Variants in GABRB1 observed in about 807,000 individuals in gnomAD.
The protein encoded by GABRB1 is gamma-aminobutyric acid receptor subunit beta-1.
GABRB1 carries 17 observed loss-of-function variants against 51.6 expected under a neutral mutation model. That is an observed-to-expected ratio of 0.33 (90% confidence interval 0.23 to 0.49). The LOEUF (loss-of-function observed/expected upper bound fraction) is 0.49, where lower values mean the gene tolerates loss of function less well. Among genes scored for constraint, GABRB1 ranks in the 20% least tolerant of loss-of-function variants. GABRB1 has a pLI of 0.99. For synonymous variants in GABRB1, 247 were observed against 218.9 expected, an observed-to-expected ratio of 1.13 and a Z score of -1.14; for missense variants, 410 against 600.6, an observed-to-expected ratio of 0.68 and a Z score of 3.32.
At chr4:47,014,580 A>T (rs1383116217) in intron 1 of GABRB1, among the ~76,000 whole-genome samples, 2 of 152,136 alleles carry the variant, frequency 1.3e-5, no homozygotes, top group African/African-American at 4.8e-5. Flanking sequence ...TTGGACATCA[A>T]CTGGGTGTCC....
chr4:47,120,600 T>A (rs911566340), intron 3 of GABRB1, among the ~76,000 whole-genome samples: 1 of 152,200 alleles, frequency 6.6e-6, no homozygotes, highest in Non-Finnish European at 1.5e-5. Context: ...GAACCCAGCA[T>A]GTCTCAAGAG....
intron 5 of GABRB1, among the ~76,000 whole-genome samples, chr4:47,381,308 G>C (rs1476619083): frequency 1.3e-5 from 2 of 152,098 alleles, no homozygotes; most frequent in Non-Finnish European, 2.9e-5. Context: ...CTGGTGACTG[G>C]GCATTTTGTG....
At chr4:47,362,787 A>G (rs185017128) in intron 5 of GABRB1, among the ~76,000 whole-genome samples, 1 of 152,170 alleles carries the variant, frequency 6.6e-6, no homozygotes, top group African/African-American at 2.4e-5. Flanking sequence ...TTTTAATTAA[A>G]TATTTATTAA....
chr4:47,303,288 G>T (rs1167761355), intron 4 of GABRB1, among the ~76,000 whole-genome samples: 1 of 151,526 alleles, frequency 6.6e-6, no homozygotes, highest in African/African-American at 2.4e-5. Flanking sequence ...GAATAAATTT[G>T]CATTATTAAT....
chr4:47,349,351 A>G (rs572461472), intron 5 of GABRB1, among the ~76,000 whole-genome samples: 1 of 152,282 alleles, frequency 6.6e-6, no homozygotes, highest in African/African-American at 2.4e-5. Context: ...CAGCCAGAGA[A>G]ATGGGAGGAA....
chr4:47,195,784 T>A (rs536499628), intron 4 of GABRB1, among the ~76,000 whole-genome samples: 1 of 152,358 alleles, frequency 6.6e-6, no homozygotes, highest in Non-Finnish European at 1.5e-5. Flanking sequence ...TCCACTGAAT[T>A]ATTCCATGTA....
intron 3 of GABRB1, among the ~76,000 whole-genome samples, chr4:47,036,711 A>G (rs991768546): frequency 1.3e-5 from 2 of 152,150 alleles, no homozygotes; most frequent in African/African-American, 2.4e-5. Context: ...AAAGTATACA[A>G]ATTAGCTGGG....
intron 3 of GABRB1, among the ~76,000 whole-genome samples, chr4:47,116,864 G>A (rs1715506262): frequency 6.6e-6 from 1 of 152,126 alleles, no homozygotes; most frequent in Admixed American, 6.5e-5. Context: ...AATCATGGCA[G>A]AAGGGCAAGG....
intron 3 of GABRB1, among the ~76,000 whole-genome samples, chr4:47,129,524 G>A (rs2109668953): frequency 6.6e-6 from 1 of 152,210 alleles, no homozygotes; most frequent in South Asian, 2.1e-4. Flanking sequence ...ATAAGAAATG[G>A]TGATGTGATA....
chr4:47,104,862 CCACATATT>C (rs1249158466), intron 3 of GABRB1, among the ~76,000 whole-genome samples: 1 of 151,932 alleles, frequency 6.6e-6, no homozygotes, highest in Non-Finnish European at 1.5e-5. Flanking sequence ...TTTGGGCCTC[CCACATATT>C]AATCATCTTT....
Position 47,356,486 on chromosome 4 carries a change from A to G in GABRB1, c.544+36277A>G, listed in dbSNP as rs183053457. ...TCTGATCATGTCCAATGAAGTACTC[A>G]GTCAATCTTGTCTGCTGTGCCATCT... is the stretch of plus-strand genomic sequence containing the variant. On this transcript the variant is annotated intron_variant, in intron 5 of 8. Transcript: ENST00000295454. Among the ~76,000 whole-genome samples, 475 of 152,308 alleles carry G rather than the reference A, an allele frequency of 3.1e-3. 3 individuals are homozygous for G. The highest frequency in any genetic ancestry group is 6.4e-3 in the Admixed American group (98 of 15,294).
intron 4 of GABRB1, among the ~76,000 whole-genome samples, chr4:47,212,894 A>G (rs1252823754): frequency 6.6e-6 from 1 of 152,228 alleles, no homozygotes; most frequent in Non-Finnish European, 1.5e-5. Context: ...AAGTGTAAGC[A>G]TAGGTGGAAG....
At chr4:47,404,528 C>T (rs13147641) in intron 7 of GABRB1, among the ~76,000 whole-genome samples, 81,451 of 150,746 alleles carry the variant, frequency 0.54, 23,555 homozygotes, top group African/African-American at 0.74. Flanking sequence ...CACACACACA[C>T]ATCATTTCTG....
intron 4 of GABRB1, among the ~76,000 whole-genome samples, chr4:47,178,432 T>G (rs1288966729): frequency 1.3e-5 from 2 of 152,124 alleles, no homozygotes; most frequent in Non-Finnish European, 2.9e-5. Flanking sequence ...TCCAGGTTTG[T>G]TCAAATGGGA....
intron 5 of GABRB1, among the ~76,000 whole-genome samples, chr4:47,343,018 G>A (rs759791918): frequency 3.5e-4 from 53 of 152,028 alleles, no homozygotes; most frequent in Non-Finnish European, 5.0e-4. Flanking sequence ...CCACAAGCTT[G>A]GATAATCAGC....
intron 5 of GABRB1, among the ~76,000 whole-genome samples, chr4:47,352,479 A>G (rs2110000188): frequency 6.6e-6 from 1 of 152,254 alleles, no homozygotes; most frequent in South Asian, 2.1e-4. Context: ...AGAATTTTAG[A>G]CCAATATCCT....
chr4:47,080,180 G>C (rs1033079133), intron 3 of GABRB1, among the ~76,000 whole-genome samples: 1 of 152,002 alleles, frequency 6.6e-6, no homozygotes, highest in African/African-American at 2.4e-5. Flanking sequence ...GGGCAGTGGA[G>C]AGCTCAAAGG....
At chr4:47,242,348 C>T (rs889889177) in intron 4 of GABRB1, among the ~76,000 whole-genome samples, 102 of 152,302 alleles carry the variant, frequency 6.7e-4, no homozygotes, top group Non-Finnish European at 1.1e-3. Context: ...AATAAACATA[C>T]GTGTGCATGT....
chr4:47,274,556 G>A (rs1270296984), intron 4 of GABRB1, among the ~76,000 whole-genome samples: 1 of 151,652 alleles, frequency 6.6e-6, no homozygotes. Flanking sequence ...CCTAGATAGG[G>A]GTCTCTTCTC....
Sources: gnomAD v4.1 joint callset for allele counts (sites outside exome capture counted in the v4.1 genomes callset) on GRCh38, gnomAD v4.1.1 for gene constraint, MANE v1.5 for transcripts, NCBI Gene and HGNC (gene_info 2026-07-23, HGNC 2026-07-21) for gene names.